STK3: variants seen among roughly 807,000 people sequenced by gnomAD.
The protein encoded by STK3 is serine/threonine kinase 3.
Under a neutral mutation model 58.0 loss-of-function variants are expected in STK3, and 41 were observed. The observed-to-expected ratio is 0.71, with a 90% confidence interval of 0.55 to 0.92. STK3 has a LOEUF of 0.92. Among genes scored for constraint, STK3 ranks in the 40% least tolerant of loss-of-function variants. The pLI is 0.00. For synonymous variants in STK3, 170 were observed against 191.0 expected (o/e 0.89, Z 0.91); for missense variants, 479 against 602.7 (o/e 0.79, Z 2.15).
chr8:98,941,745 C>G (rs1226209986), intron 1 of STK3, among the ~76,000 whole-genome samples: 1 of 152,254 alleles, frequency 6.6e-6, no homozygotes, highest in Non-Finnish European at 1.5e-5. Context: ...GGCCTTCATC[C>G]CGGCCTCCCG....
At chr8:98,767,449 G>A (rs1401770846) in intron 2 of STK3, 78 bp from the exon 3 acceptor site, 1 of 1,338,250 alleles carries the variant, frequency 7.5e-7, no homozygotes, top group African/African-American at 1.5e-5. Flanking sequence ...TGAGTTTTCT[G>A]TGGATAGTCT....
chr8:98,374,149 T>A (rs935690638), intron 2 of STK3, among the ~76,000 whole-genome samples: 4 of 152,106 alleles, frequency 2.6e-5, no homozygotes, highest in Non-Finnish European at 5.9e-5. Context: ...GAAGGGAACG[T>A]TTTACAGGTT....
At chr8:98,940,964 C>T (rs1840398484) in intron 1 of STK3, among the ~76,000 whole-genome samples, 1 of 152,252 alleles carries the variant, frequency 6.6e-6, no homozygotes, top group South Asian at 2.1e-4. Context: ...CCCTACCGCA[C>T]ACGCGACTCT....
chr8:98,636,832 A>C (rs1037178080), intron 6 of STK3, among the ~76,000 whole-genome samples: 4 of 152,136 alleles, frequency 2.6e-5, no homozygotes. Context: ...CCCTTAGCAA[A>C]TGGAGCTATT....
intron 1 of STK3, among the ~76,000 whole-genome samples, chr8:98,915,532 G>C (rs1306474976): frequency 6.8e-6 from 1 of 146,400 alleles, no homozygotes; most frequent in Non-Finnish European, 1.5e-5. Context: ...AACTATAAAA[G>C]TGCCTGGTAT....
intron 1 of STK3, among the ~76,000 whole-genome samples, chr8:98,794,859 G>T (rs1489291611): frequency 1.3e-5 from 2 of 151,544 alleles, no homozygotes; most frequent in Admixed American, 1.3e-4. Context: ...CCTGAGGTTG[G>T]GAGTTCGAGA....
chr8:98,423,037 A>G (rs1818191006), intron 3 of STK3, among the ~76,000 whole-genome samples: 1 of 152,170 alleles, frequency 6.6e-6, no homozygotes, highest in African/African-American at 2.4e-5. Context: ...AGCACCCCAG[A>G]GCCTGGGGGC....
intron 3 of STK3, chr8:98,429,121 T>A: frequency 6.2e-7 from 1 of 1,613,372 alleles, no homozygotes; most frequent in Non-Finnish European, 8.5e-7. Flanking sequence ...GGGGATGTGG[T>A]CCCAGGGACC....
At chr8:98,814,292 C>G (rs997425272) in intron 1 of STK3, among the ~76,000 whole-genome samples, 3 of 151,688 alleles carry the variant, frequency 2.0e-5, no homozygotes, top group African/African-American at 7.3e-5. Flanking sequence ...CTCAGGTGAT[C>G]CACCTGCCTC....
chr8:98,494,758 C>T (rs951415380), intron 10 of STK3, among the ~76,000 whole-genome samples: 2 of 151,268 alleles, frequency 1.3e-5, no homozygotes, highest in South Asian at 2.1e-4. Flanking sequence ...TTAAACAGTG[C>T]CAAGAAAGGC....
intron 6 of STK3, among the ~76,000 whole-genome samples, chr8:98,622,444 A>G (rs1482681620): frequency 6.6e-6 from 1 of 152,198 alleles, no homozygotes; most frequent in Non-Finnish European, 1.5e-5. Flanking sequence ...ACTATAATAT[A>G]CAGCTTCCCA....
intron 2 of STK3, among the ~76,000 whole-genome samples, chr8:98,768,368 A>G (rs1831076552): frequency 1.3e-5 from 2 of 152,260 alleles, no homozygotes; most frequent in African/African-American, 4.8e-5. Context: ...TCCTAATATT[A>G]GAAATCTATG....
At chr8:98,850,195 C>G (rs1412992170) in intron 3 of STK3, among the ~76,000 whole-genome samples, 1 of 152,082 alleles carries the variant, frequency 6.6e-6, no homozygotes, top group East Asian at 1.9e-4. Context: ...GAGATGGAGT[C>G]TATGTTGCTC....
In STK3 at chr8:98,384,623, CT is replaced by C. The variant is rs531414377; in HGVS notation, n.56+3568del. Among the ~76,000 whole-genome samples, 314 of 152,296 alleles carry C rather than the reference CT, an allele frequency of 2.1e-3. 2 individuals are homozygous for C. The highest frequency in any genetic ancestry group is 6.6e-3 in the African/African-American group (274 of 41,560). On this transcript the variant is annotated intron_variant and non_coding_transcript_variant, in intron 1 of 2. Transcript: ENST00000518704. ...ACTTCAGCAACTCTCTCTGTCTCAT[CT>C]TCCAGAAAGAAGGGATCTCAGGCCC...
chr8:98,715,324 C>G (rs985281094), intron 4 of STK3, among the ~76,000 whole-genome samples: 2 of 151,964 alleles, frequency 1.3e-5, no homozygotes, highest in Non-Finnish European at 2.9e-5. Flanking sequence ...GCAGAAGAAA[C>G]TACCATCAGA....
intron 7 of STK3, among the ~76,000 whole-genome samples, chr8:98,591,108 A>AG (rs1378007972): frequency 6.6e-6 from 1 of 152,208 alleles, no homozygotes; most frequent in African/African-American, 2.4e-5. Context: ...TGCATTCAGT[A>AG]GGAACCATAC....
Position 98,567,731 on chromosome 8 carries a change from TAA to T in STK3, c.948+11931_948+11932del, listed in dbSNP as rs547815092. ...ATATACGGAGGGTTTTATAGATTTATAAAGAGATCATATTACAAACTCAATAT... is the reference window on the plus strand; with the variant it reads ...ATATACGGAGGGTTTTATAGATTTATAGAGATCATATTACAAACTCAATAT... On this transcript the variant is annotated intron_variant, in intron 8 of 10. Transcript: ENST00000419617. Among the ~76,000 whole-genome samples the T allele has an allele frequency of 7.2e-5, 11 of 152,214 alleles. No individual in the cohort carries two copies. In the East Asian group the frequency reaches 2.1e-3, roughly 29 times the overall value.
intron 6 of STK3, among the ~76,000 whole-genome samples, chr8:98,604,505 G>A (rs768580623): frequency 2.0e-5 from 3 of 152,156 alleles, no homozygotes; most frequent in Non-Finnish European, 2.9e-5. Context: ...GCTCCACCAG[G>A]CAGTACTCCA....
chr8:98,419,849 G>A lies in STK3; in HGVS notation n.483+14278C>T, dbSNP rs191054491. On this transcript the variant is annotated intron_variant and non_coding_transcript_variant, in intron 3 of 3. Transcript: ENST00000517832. ...GTCTGCCACTTTCAGACCTGGCCTC[G>A]AAAGCATCTTTGTGTCATTGTCCAT... Among the ~76,000 whole-genome samples, 4 of 152,258 alleles carry A rather than the reference G, an allele frequency of 2.6e-5. No homozygotes were observed. In the East Asian group the frequency reaches 5.8e-4, roughly 22 times the overall value.
Sources: gnomAD v4.1 joint callset for allele counts (sites outside exome capture counted in the v4.1 genomes callset) on GRCh38, gnomAD v4.1.1 for gene constraint, MANE v1.5 for transcripts, NCBI Gene and HGNC (gene_info 2026-07-23, HGNC 2026-07-21) for gene names.